Variants in ASCC3 observed in about 807,000 individuals in gnomAD.
ASCC3 encodes ASC-1 complex subunit P200.
A neutral mutation model predicts 256.3 loss-of-function variants in ASCC3; 158 were observed. That is an observed-to-expected ratio of 0.62 (90% CI 0.54 to 0.70). The LOEUF (loss-of-function observed/expected upper bound fraction) is 0.70. Among genes scored for constraint, ASCC3 ranks in the 30% least tolerant of loss-of-function variants. The probability of loss-of-function intolerance (pLI) is 0.00; values close to 1 mark genes in which losing one functional copy is unlikely to be tolerated. For synonymous variants in ASCC3, 948 were observed against 883.4 expected (o/e 1.07, Z -1.30); for missense variants, 2,259 against 2,626.0 (o/e 0.86, Z 3.05).
At chr6:100,802,127 G>A (rs1358812972) in intron 5 of ASCC3, among the ~76,000 whole-genome samples, 1 of 151,570 alleles carries the variant, frequency 6.6e-6, no homozygotes, top group Non-Finnish European at 1.5e-5. Flanking sequence ...ATCCTGTAAG[G>A]CTGAGTATAA....
chr6:100,542,328 T>A (rs2114667362), intron 36 of ASCC3, among the ~76,000 whole-genome samples: 1 of 152,288 alleles, frequency 6.6e-6, no homozygotes, highest in Admixed American at 6.5e-5. Flanking sequence ...AAACCAGGTT[T>A]CTCATCAGAA....
chr6:100,679,554 A>G (rs1777185544), intron 14 of ASCC3, 64 bp downstream of exon 14: 4 of 1,606,638 alleles, frequency 2.5e-6, no homozygotes, highest in Non-Finnish European at 3.4e-6. Flanking sequence ...GATCTTTCAC[A>G]TATAAAATAC....
At chr6:100,538,310 A>G (rs907488667) in intron 37 of ASCC3, among the ~76,000 whole-genome samples, 3 of 152,138 alleles carry the variant, frequency 2.0e-5, no homozygotes, top group African/African-American at 7.2e-5. Context: ...GTGAAGTGTG[A>G]CTAATAAGCA....
In ASCC3 at chr6:100,843,497, A is replaced by G. The variant is rs563862871; in HGVS notation, c.801+4651T>C. Among the ~76,000 whole-genome samples, 8 of 152,332 alleles carry G rather than the reference A, an allele frequency of 5.3e-5. No individual in the cohort carries two copies. The South Asian group carries it at 1.7e-3, about 32-fold the overall frequency. On this transcript the variant is annotated intron_variant, in intron 4 of 41. Coordinates refer to ENST00000369162, the MANE Select transcript of ASCC3 (RefSeq NM_006828.4). ...TCTTTTTCTAAAAACTGATTATACAATAACTCTATCAGTATCTACATCAGC... is the reference window on the plus strand; with the variant it reads ...TCTTTTTCTAAAAACTGATTATACAGTAACTCTATCAGTATCTACATCAGC...
chr6:100,569,001 G>C (rs1297596133), intron 36 of ASCC3, among the ~76,000 whole-genome samples: 1 of 151,894 alleles, frequency 6.6e-6, no homozygotes, highest in Non-Finnish European at 1.5e-5. Context: ...GGATGGTCTT[G>C]ATCTCCTGAT....
intron 13 of ASCC3, among the ~76,000 whole-genome samples, chr6:100,680,960 G>A (rs192002483): frequency 1.9e-4 from 29 of 152,256 alleles, no homozygotes; most frequent in Admixed American, 7.8e-4. Context: ...TCATTTTGAG[G>A]ACTAACAGAA....
chr6:100,617,466 T>G (rs1262794902), intron 30 of ASCC3, among the ~76,000 whole-genome samples: 1 of 152,198 alleles, frequency 6.6e-6, no homozygotes, highest in Non-Finnish European at 1.5e-5. Context: ...AGCTGACAGA[T>G]CATACTTGCT....
intron 10 of ASCC3, among the ~76,000 whole-genome samples, chr6:100,736,217 T>G (rs1490946134): frequency 6.6e-6 from 1 of 152,224 alleles, no homozygotes; most frequent in East Asian, 1.9e-4. Context: ...ATATATAATG[T>G]AAGCTCTACT....
intron 25 of ASCC3, among the ~76,000 whole-genome samples, chr6:100,634,015 A>T (rs1016825270): frequency 4.6e-4 from 70 of 152,238 alleles, no homozygotes; most frequent in African/African-American, 1.6e-3. Context: ...AACATGAATA[A>T]AATGTGTTTT....
At chr6:100,576,578 G>C (rs570039603) in intron 36 of ASCC3, among the ~76,000 whole-genome samples, 5 of 151,848 alleles carry the variant, frequency 3.3e-5, no homozygotes, top group Non-Finnish European at 5.9e-5. Context: ...ATTCAATTTC[G>C]TTATTTATAT....
intron 30 of ASCC3, among the ~76,000 whole-genome samples, chr6:100,614,004 AG>A (rs1773537241): frequency 1.3e-5 from 2 of 152,166 alleles, no homozygotes; most frequent in South Asian, 4.1e-4. Flanking sequence ...TCTTAATAAA[AG>A]CAGTATCAAA....
chr6:100,524,366 C>G (rs549129897), intron 37 of ASCC3, among the ~76,000 whole-genome samples: 1 of 152,146 alleles, frequency 6.6e-6, no homozygotes, highest in South Asian at 2.1e-4. Flanking sequence ...TTAATTTTAA[C>G]CTACCATTTG....
intron 10 of ASCC3, among the ~76,000 whole-genome samples, chr6:100,757,758 G>C (rs1781247849): frequency 6.6e-6 from 1 of 152,170 alleles, no homozygotes; most frequent in African/African-American, 2.4e-5. Flanking sequence ...GGACTGGATA[G>C]GGACATCAGG....
rs117137254 is a variant in ASCC3, at chr6:100,814,129, A to C, written c.802-8249T>G. On this transcript the variant is annotated intron_variant, in intron 4 of 41. Coordinates refer to ENST00000369162, the MANE Select transcript of ASCC3 (RefSeq NM_006828.4). ...GGTATGTTCCTTCAATACCTAGTTT[A>C]TAGAGGGTTTTTAACATTACAGGAG... is the stretch of plus-strand genomic sequence containing the variant. Among the ~76,000 whole-genome samples the C allele has an allele frequency of 0.013, 1,942 of 152,266 alleles. 93 individuals are homozygous for C. The East Asian group carries it at 0.15, about 12-fold the overall frequency.
chr6:100,638,559 T>C lies in ASCC3; in HGVS notation c.4122+42A>G, dbSNP rs755364413. ...ACTGTCTAGTTTAGAGATTATGAAC[T>C]GTCTTTTCTAATTAAATGTAAGTAT... On this transcript the variant is annotated intron_variant, in intron 25 of 41. Transcript: ENST00000369162. 2.7e-6 allele frequency: 4 copies of C among 1,481,004 alleles called. No individual in the cohort carries two copies. In the South Asian group the frequency reaches 3.6e-5, roughly 13 times the overall value. 91.7% of individuals were successfully genotyped at this position (1,481,004 alleles called of 1,614,324 possible). A position where few individuals can be genotyped will look rare whatever the true frequency, so the allele number is the denominator to read the frequency against.
intron 13 of ASCC3, 81 bp downstream of exon 13, chr6:100,715,381 G>T (rs764850822): frequency 2.4e-6 from 3 of 1,270,566 alleles, no homozygotes; most frequent in Middle Eastern, 2.2e-4. Flanking sequence ...CTTCTGAAGA[G>T]CGTAAATATT....
Position 100,681,725 on chromosome 6 carries a change from C to CAAA in ASCC3, c.2152-1976_2152-1974dup, listed in dbSNP as rs10696130. Among the ~76,000 whole-genome samples, 385 of 58,628 alleles carry CAAA rather than the reference C, an allele frequency of 6.6e-3. 54 individuals are homozygous for CAAA. The highest frequency in any genetic ancestry group is 0.018 in the African/African-American group (249 of 13,610). 38.5% of individuals were successfully genotyped at this position (58,628 alleles called of 152,430 possible). Reference sequence around the variant, plus strand: ...CTGGCAACAGAGCGAGACTCCGTCTCAAAAAAAAAAAAAAAAAAAAAAGAA... The same window carrying CAAA: ...CTGGCAACAGAGCGAGACTCCGTCTCAAAAAAAAAAAAAAAAAAAAAAAAAGAA... On this transcript the variant is annotated intron_variant, in intron 13 of 41. Transcript: ENST00000369162.
chr6:100,796,202 G>T (rs1263783231), intron 8 of ASCC3, among the ~76,000 whole-genome samples: 1 of 152,268 alleles, frequency 6.6e-6, no homozygotes, highest in Admixed American at 6.5e-5. Context: ...ACCAAATGCT[G>T]GTTAGTATGT....
intron 13 of ASCC3, among the ~76,000 whole-genome samples, chr6:100,701,374 G>A (rs1275710878): frequency 6.6e-6 from 1 of 152,038 alleles, no homozygotes; most frequent in East Asian, 1.9e-4. Flanking sequence ...CTCTTTGCCT[G>A]CCACCATCCA....
Sources: allele counts gnomAD v4.1 joint callset (sites outside exome capture counted in the v4.1 genomes callset), GRCh38; gene constraint gnomAD v4.1.1; transcripts MANE v1.5; gene names NCBI Gene and HGNC (gene_info 2026-07-23, HGNC 2026-07-21).